PSEN1: variants seen among roughly 807,000 people sequenced by gnomAD.
PSEN1 encodes the protein presenilin 1.
PSEN1 carries 15 observed loss-of-function variants against 53.5 expected under a neutral mutation model. The observed-to-expected ratio is 0.28, with a 90% confidence interval of 0.19 to 0.43. The LOEUF (loss-of-function observed/expected upper bound fraction) is 0.43, where lower values mean the gene tolerates loss of function less well. PSEN1 is among the 20% of genes least tolerant of loss of function. The pLI, the probability that PSEN1 is intolerant of heterozygous loss-of-function variation, is 1.00. For missense variants in PSEN1, 387 were observed against 571.2 expected, an observed-to-expected ratio of 0.68 and a Z score of 3.29; for synonymous variants, 208 against 209.8, an observed-to-expected ratio of 0.99 and a Z score of 0.08.
Position 73,219,602 on chromosome 14 carries a change from C to T in PSEN1, c.*313C>T, listed in dbSNP as rs362384. ...TTGCTGTGCCCCATCAGCAGCTTGA[C>T]GCGTGGTCACAGGACGATTTCACTG... On this transcript the variant is annotated 3_prime_UTR_variant, in exon 12 of 12. Coordinates refer to ENST00000324501, the MANE Select transcript of PSEN1 (RefSeq NM_000021.4). The T allele has an allele frequency of 2.1e-5, 8 of 389,558 alleles. No homozygotes were observed. Among genetic ancestry groups the T allele is most frequent in the African/African-American group, 6.2e-5 (3 of 48,554 alleles). The allele number at this position is 389,558 out of a possible 1,614,324, so 24.1% of individuals were successfully genotyped here.
Position 73,170,830 on chromosome 14 carries a change from A to C in PSEN1, c.121A>C (p.Arg41=), listed in dbSNP as rs1258736994. ...TAGAGAACGGCAGGAGCACAACGAC[A>C]GACGGAGCCTTGGCCACCCTGAGCC... The part of the protein sequence containing the change: ...DNRERQEHND[R]RSLGHPEPLS... Residue 41 remains arginine (R), a synonymous_variant, in exon 4 of 12, where the codon AGA becomes CGA. Transcript: ENST00000324501. 6 of 1,614,106 alleles carry C rather than the reference A, an allele frequency of 3.7e-6. No individual in the cohort carries two copies. The African/African-American group carries it at 4.0e-5, about 11-fold the overall frequency.
intron 8 of PSEN1, among the ~76,000 whole-genome samples, chr14:73,205,749 A>G (rs948619763): frequency 5.9e-5 from 9 of 152,218 alleles, no homozygotes; most frequent in Non-Finnish European, 5.9e-5. Flanking sequence ...GAGAAGCACC[A>G]TTTTAAAGTT....
At chr14:73,207,648 G>A (rs1366302591) in intron 9 of PSEN1, among the ~76,000 whole-genome samples, 1 of 152,244 alleles carries the variant, frequency 6.6e-6, no homozygotes, top group African/African-American at 2.4e-5. Context: ...GATCCTTAGG[G>A]TGTGACTTTG....
chr14:73,177,748 T>C (rs1321172010), intron 5 of PSEN1, among the ~76,000 whole-genome samples: 1 of 152,224 alleles, frequency 6.6e-6, no homozygotes, highest in Non-Finnish European at 1.5e-5. Context: ...TTCGAATCAC[T>C]GTTCTTCTAA....
At chr14:73,169,628 G>A (rs945940862) in intron 3 of PSEN1, among the ~76,000 whole-genome samples, 8 of 151,502 alleles carry the variant, frequency 5.3e-5, no homozygotes, top group African/African-American at 1.9e-4. Context: ...TGCTAAAAAC[G>A]AAACATCTGA....
rs901444444 is a variant in PSEN1 at position 73,181,603 on chromosome 14, AATC to A, written c.481-5247_481-5245del. ...GTGAGACCCCAGTCTCTTAAAAAAA[AATC>A]ATATTTTCAAATAATATTTGGTGGC... On this transcript the variant is annotated intron_variant, in intron 5 of 11. Transcript: ENST00000324501. 1.4e-4 allele frequency among the ~76,000 whole-genome samples: 21 copies of A among 152,322 alleles called. 1 individual carries two copies. Among genetic ancestry groups the A allele is most frequent in the African/African-American group, 5.1e-4 (21 of 41,574 alleles).
At chr14:73,197,975 T>G in intron 7 of PSEN1, 56 bp from the exon 8 acceptor site, 1 of 969,446 alleles carries the variant, frequency 1.0e-6, no homozygotes, top group Non-Finnish European at 1.7e-6. Context: ...TACCACCCAT[T>G]TACAAGTTTA....
At chr14:73,181,100 A>G (rs1293289185) in intron 5 of PSEN1, among the ~76,000 whole-genome samples, 1 of 152,210 alleles carries the variant, frequency 6.6e-6, no homozygotes, top group Non-Finnish European at 1.5e-5. Flanking sequence ...CAAAGGTTCA[A>G]TTGTGGGTTT....
At chr14:73,197,761 C>G in intron 7 of PSEN1, 2 of 447,014 alleles carry the variant, frequency 4.5e-6, no homozygotes, top group Non-Finnish European at 8.2e-6. Flanking sequence ...TTCCTATACC[C>G]CAGTAACGAT....
intron 3 of PSEN1, chr14:73,168,189 C>T (rs1310332376): frequency 1.3e-5 from 2 of 152,026 alleles, no homozygotes; most frequent in Non-Finnish European, 2.9e-5. Flanking sequence ...AACCGTATCT[C>T]TACTAAAAAT....
At chr14:73,144,289 C>G (rs1479137931) in intron 1 of PSEN1, among the ~76,000 whole-genome samples, 1 of 152,014 alleles carries the variant, frequency 6.6e-6, no homozygotes, top group African/African-American at 2.4e-5. Context: ...ATCTGCCCAC[C>G]TTGGCCTCCC....
At chr14:73,181,815 T>A (rs1898223488) in intron 5 of PSEN1, among the ~76,000 whole-genome samples, 1 of 152,090 alleles carries the variant, frequency 6.6e-6, no homozygotes, top group African/African-American at 2.4e-5. Context: ...ACTTTGTCAG[T>A]CAGGCTGGAA....
At position 73,213,384 on chromosome 14, in the gene PSEN1, G is replaced by GTCC. The variant is rs780188948; in HGVS notation, c.1129+1451_1129+1453dup. Among the ~76,000 whole-genome samples the GTCC allele has an allele frequency of 1.2e-4, 18 of 151,740 alleles. No individual in the cohort carries two copies. The South Asian group carries it at 2.5e-3, about 21-fold the overall frequency. On this transcript the variant is annotated intron_variant, in intron 10 of 11. Coordinates refer to ENST00000324501, the MANE Select transcript of PSEN1 (RefSeq NM_000021.4). ...TCCCTCTCCTGAGAGGGCTCTTTGT[G>GTCC]TCCTCCTCCTCTTCGTCTCCAACTT...
chr14:73,162,445 G>A (rs1478988249), intron 3 of PSEN1, among the ~76,000 whole-genome samples: 1 of 142,298 alleles, frequency 7.0e-6, no homozygotes, highest in Admixed American at 7.0e-5. Flanking sequence ...GCTCGCTCGC[G>A]CGCTCTCTCT....
chr14:73,138,758 A>C (rs1191100825), intron 1 of PSEN1, among the ~76,000 whole-genome samples: 1 of 148,128 alleles, frequency 6.8e-6, no homozygotes, highest in African/African-American at 2.5e-5. Flanking sequence ...CAGGAGATCG[A>C]GACATCCTGG....
At chr14:73,202,417 AC>A (rs754146691) in intron 8 of PSEN1, among the ~76,000 whole-genome samples, 7,459 of 60,292 alleles carry the variant, frequency 0.12, 542 homozygotes, top group African/African-American at 0.2. Context: ...TCTATCACAT[AC>A]TATATATATA....
intron 8 of PSEN1, among the ~76,000 whole-genome samples, chr14:73,201,287 C>A (rs1353652463): frequency 6.6e-6 from 1 of 152,092 alleles, no homozygotes; most frequent in East Asian, 1.9e-4. Flanking sequence ...GGGGTTTCAC[C>A]ATGTTAGCCA....
At chr14:73,167,037 T>C (rs911566409) in intron 3 of PSEN1, among the ~76,000 whole-genome samples, 1 of 152,202 alleles carries the variant, frequency 6.6e-6, no homozygotes. Flanking sequence ...TGTTTTCTTC[T>C]TTTTTGTATC....
chr14:73,206,511 G>T, intron 9 of PSEN1, 39 bp downstream of exon 9: 2 of 1,412,330 alleles, frequency 1.4e-6, no homozygotes, highest in Non-Finnish European at 2.0e-6. Context: ...GATTTTTCAG[G>T]GTCACTGTTA....
Sources: gnomAD v4.1 joint callset for allele counts (sites outside exome capture counted in the v4.1 genomes callset) on GRCh38, gnomAD v4.1.1 for gene constraint, MANE v1.5 for transcripts, NCBI Gene and HGNC (gene_info 2026-07-23, HGNC 2026-07-21) for gene names.